The following RXFP1 variants were observed in gnomAD, a reference collection of about 807,000 sequenced individuals.
The protein encoded by RXFP1 is relaxin family peptide receptor 1, also known as relaxin receptor 1.
RXFP1 carries 73 observed loss-of-function variants against 89.8 expected under a neutral mutation model. The observed-to-expected ratio is 0.81, with a 90% CI of 0.67 to 0.99. The LOEUF (loss-of-function observed/expected upper bound fraction) is 0.99, where lower values mean the gene tolerates loss of function less well. RXFP1 is among the 50% of genes least tolerant of loss of function. The probability of loss-of-function intolerance (pLI) is 0.00; values close to 1 mark genes in which losing one functional copy is unlikely to be tolerated. For synonymous variants in RXFP1, 277 were observed against 305.5 expected, an observed-to-expected ratio of 0.91 and a Z score of 0.97; for missense variants, 793 against 895.5, an observed-to-expected ratio of 0.89 and a Z score of 1.46.
chr4:158,636,422 C>T (rs2150222793), intron 12 of RXFP1, among the ~76,000 whole-genome samples: 1 of 152,240 alleles, frequency 6.6e-6, no homozygotes, highest in South Asian at 2.1e-4. Flanking sequence ...GGCTCTTTCT[C>T]AGTCCCCTAC....
intron 8 of RXFP1, among the ~76,000 whole-genome samples, chr4:158,614,781 T>G (rs1764227866): frequency 6.6e-6 from 1 of 152,224 alleles, no homozygotes; most frequent in South Asian, 2.1e-4. Flanking sequence ...TCCTTAGCAT[T>G]CACAATTCGG....
intron 1 of RXFP1, among the ~76,000 whole-genome samples, chr4:158,543,377 T>C (rs1270154132): frequency 6.6e-6 from 1 of 152,188 alleles, no homozygotes; most frequent in Non-Finnish European, 1.5e-5. Flanking sequence ...AGGAAAGCAA[T>C]GGCTTTTCCA....
intron 1 of RXFP1, among the ~76,000 whole-genome samples, chr4:158,536,926 G>A (rs566782482): frequency 1.3e-5 from 2 of 152,108 alleles, no homozygotes; most frequent in East Asian, 3.9e-4. Context: ...CTTATGAGCT[G>A]AAAGAATTCC....
Position 158,613,314 on chromosome 4 carries a change from CATTG to C in RXFP1, c.680+958_680+961del, listed in dbSNP as rs1561128030. 2.0e-5 allele frequency among the ~76,000 whole-genome samples: 3 copies of C among 152,272 alleles called. No individual in the cohort carries two copies. In the East Asian group the frequency reaches 5.8e-4, roughly 29 times the overall value. ...AATAAGATAACAATGAGGTTTGCTA[CATTG>C]ATTGACTTTTAATTTCATGAAAGAT... On this transcript the variant is annotated intron_variant, in intron 8 of 17. Transcript: ENST00000307765.
chr4:158,633,607 G>A (rs1024898277), intron 12 of RXFP1, 131 bp downstream of exon 12: 1 of 530,862 alleles, frequency 1.9e-6, no homozygotes, highest in Non-Finnish European at 3.3e-6. Context: ...TCACATTGCT[G>A]CCCAACCACC....
chr4:158,649,777 A>C (rs1044466659), intron 17 of RXFP1, among the ~76,000 whole-genome samples: 2 of 152,250 alleles, frequency 1.3e-5, no homozygotes, highest in Non-Finnish European at 2.9e-5. Context: ...TACAGCTGCT[A>C]TGGAAGACAA....
In RXFP1 at chr4:158,652,644, T is replaced by C. The variant is rs1772943937; in HGVS notation, c.*589T>C. 2 of 152,210 alleles carry C rather than the reference T, an allele frequency of 1.3e-5. No individual in the cohort carries two copies. The highest frequency in any genetic ancestry group is 4.8e-5 in the African/African-American group (2 of 41,458). The allele number at this position is 152,210 out of a possible 1,614,324, so 9.4% of individuals were successfully genotyped here. On this transcript the variant is annotated 3_prime_UTR_variant, in exon 18 of 18. Transcript: ENST00000307765. ...CATACACTTGAGAGCCAACACAACA[T>C]ATTTATTACTAAAAAGATGCTTTGC... is the stretch of plus-strand genomic sequence containing the variant.
intron 1 of RXFP1, among the ~76,000 whole-genome samples, chr4:158,537,201 C>T (rs1172192681): frequency 2.0e-5 from 3 of 152,156 alleles, no homozygotes; most frequent in Non-Finnish European, 2.9e-5. Context: ...CAAACTACAG[C>T]TGTGGGGAAT....
At chr4:158,607,726 A>G (rs1256693135) in intron 5 of RXFP1, among the ~76,000 whole-genome samples, 1 of 152,222 alleles carries the variant, frequency 6.6e-6, no homozygotes, top group East Asian at 1.9e-4. Flanking sequence ...AAGTGACATG[A>G]TATCTGGCTT....
chr4:158,568,740 T>C (rs1382480500), intron 1 of RXFP1, among the ~76,000 whole-genome samples: 1 of 152,262 alleles, frequency 6.6e-6, no homozygotes, highest in Non-Finnish European at 1.5e-5. Flanking sequence ...CTATGTGCTC[T>C]GAAATGACTA....
chr4:158,587,271 C>T (rs771309542), intron 2 of RXFP1, among the ~76,000 whole-genome samples: 1 of 152,184 alleles, frequency 6.6e-6, no homozygotes. Flanking sequence ...TACTCAAAGC[C>T]TCAACATACT....
chr4:158,542,111 T>TATATATATATATA (rs57135677), intron 1 of RXFP1, among the ~76,000 whole-genome samples: 10 of 27,968 alleles, frequency 3.6e-4, no homozygotes, highest in African/African-American at 8.8e-4. Context: ...ATATATATAT[T>TATATATATATATA]TTTTTTTTAG....
chr4:158,533,018 T>C (rs1238675335), intron 1 of RXFP1, among the ~76,000 whole-genome samples: 2 of 152,196 alleles, frequency 1.3e-5, no homozygotes, highest in African/African-American at 4.8e-5. Context: ...TTCTCACATT[T>C]CACTCTCAGC....
rs1466097120 is a variant in RXFP1 at position 158,522,028 on chromosome 4, A to G, written c.49+3A>G. 3.2e-6 allele frequency: 5 copies of G among 1,554,646 alleles called. No individual in the cohort carries two copies. The African/African-American group carries it at 4.1e-5, about 13-fold the overall frequency. On this transcript the variant is annotated splice_donor_region_variant and intron_variant, in intron 1 of 17. Transcript: ENST00000307765. ...CATCTTAATTTTTGGAAAATATTGT[A>G]AGTATGCTCAGTATCTAATTTTGTA... is the stretch of plus-strand genomic sequence containing the variant.
intron 14 of RXFP1, among the ~76,000 whole-genome samples, chr4:158,644,377 A>C (rs1205833651): frequency 5.3e-5 from 8 of 151,718 alleles, no homozygotes; most frequent in Admixed American, 4.6e-4. Context: ...ATATCTGTTC[A>C]GATCATTTGC....
intron 3 of RXFP1, 48 bp downstream of exon 3, chr4:158,593,547 C>A (rs765969944): frequency 4.9e-5 from 49 of 995,980 alleles, no homozygotes; most frequent in Non-Finnish European, 6.8e-5. Flanking sequence ...TCATAAGACA[C>A]CATTTTTAAA....
In RXFP1 at chr4:158,652,285, T is replaced by G; in HGVS notation, c.*230T>G. ...TTTGCATAAGAAATTAAGAGAAATCTACTTCAGTAACATTCATTCATTTTT... is the reference window on the plus strand; with the variant it reads ...TTTGCATAAGAAATTAAGAGAAATCGACTTCAGTAACATTCATTCATTTTT... On this transcript the variant is annotated 3_prime_UTR_variant, in exon 18 of 18. Transcript: ENST00000307765. 1 of 436,134 alleles carries G rather than the reference T, an allele frequency of 2.3e-6. No homozygotes were observed. Among genetic ancestry groups the G allele is most frequent in the Non-Finnish European group, 4.0e-6 (1 of 248,168 alleles). The allele number at this position is 436,134 out of a possible 1,614,324, so 27.0% of individuals were successfully genotyped here. A position where few individuals can be genotyped will look rare whatever the true frequency, so the allele number is the denominator to read the frequency against.
rs768968013 is a variant in RXFP1, at chr4:158,648,486, G to T, written c.1757-13G>T. ...TTTCTATGCATTAATAATACTGTTTGTATTCCAAATAGGTATTAATTTGGC... is the reference window on the plus strand; with the variant it reads ...TTTCTATGCATTAATAATACTGTTTTTATTCCAAATAGGTATTAATTTGGC... On this transcript the variant is annotated splice_polypyrimidine_tract_variant and intron_variant, in intron 16 of 17. Transcript: ENST00000307765. 1 of 1,470,120 alleles carries T rather than the reference G, an allele frequency of 6.8e-7. No individual in the cohort carries two copies. The highest frequency in any genetic ancestry group is 9.4e-7 in the Non-Finnish European group (1 of 1,066,126). 91.1% of individuals were successfully genotyped at this position (1,470,120 alleles called of 1,614,324 possible).
At chr4:158,626,257 C>T (rs1766808228) in intron 9 of RXFP1, among the ~76,000 whole-genome samples, 1 of 152,064 alleles carries the variant, frequency 6.6e-6, no homozygotes, top group African/African-American at 2.4e-5. Flanking sequence ...TCTGTCTGCG[C>T]TGGCCTTTGA....
Sources: gnomAD v4.1 joint callset for allele counts (sites outside exome capture counted in the v4.1 genomes callset) on GRCh38, gnomAD v4.1.1 for gene constraint, MANE v1.5 for transcripts, NCBI Gene and HGNC (gene_info 2026-07-23, HGNC 2026-07-21) for gene names.